The following CPED1 variants were observed in gnomAD, a reference collection of about 807,000 sequenced individuals.
The protein encoded by CPED1 is cadherin-like and PC-esterase domain-containing protein 1.
Under a neutral mutation model 128.2 loss-of-function variants are expected in CPED1, and 114 were observed. The observed-to-expected ratio is 0.89, with a 90% CI of 0.76 to 1.04. CPED1 has a LOEUF of 1.04. Among genes scored for constraint, CPED1 ranks in the 50% least tolerant of loss-of-function variants. CPED1 has a pLI of 0.00. For synonymous variants in CPED1, 462 were observed against 426.7 expected (o/e 1.08, Z -1.02); for missense variants, 1,211 against 1,207.1 (o/e 1.00, Z -0.05).
chr7:121,228,505 T>C (rs986492273), intron 16 of CPED1, among the ~76,000 whole-genome samples: 1 of 146,306 alleles, frequency 6.8e-6, no homozygotes, highest in Non-Finnish European at 1.5e-5. Flanking sequence ...GGCAAGGATG[T>C]GAAGAAAAGA....
chr7:121,035,220 A>G (rs545325097), intron 3 of CPED1, among the ~76,000 whole-genome samples: 48 of 152,278 alleles, frequency 3.2e-4, no homozygotes, highest in Admixed American at 1.1e-3. Context: ...TTGCTGTGCT[A>G]AGGAATTTGA....
chr7:121,091,815 C>A (rs963150797), intron 5 of CPED1, among the ~76,000 whole-genome samples: 12 of 151,924 alleles, frequency 7.9e-5, no homozygotes, highest in African/African-American at 2.7e-4. Flanking sequence ...AACAGAAATT[C>A]GTGTTTTTAA....
chr7:121,211,763 T>C (rs542415259), intron 16 of CPED1, among the ~76,000 whole-genome samples: 46 of 152,098 alleles, frequency 3.0e-4, no homozygotes, highest in African/African-American at 1.1e-3. Context: ...CTTAGAAATA[T>C]GTGATCTATA....
chr7:121,031,330 G>A (rs779505207), intron 3 of CPED1, among the ~76,000 whole-genome samples: 20 of 151,134 alleles, frequency 1.3e-4, no homozygotes, highest in Admixed American at 8.6e-4. Flanking sequence ...TGTTTTTTTC[G>A]AGATGGAGTC....
chr7:121,010,132 C>T (rs1034945338), intron 2 of CPED1, among the ~76,000 whole-genome samples: 2 of 152,086 alleles, frequency 1.3e-5, no homozygotes, highest in African/African-American at 4.8e-5. Context: ...TATAGTTATA[C>T]ATTGTGAAGT....
Position 121,203,922 on chromosome 7 carries a change from G to C in CPED1, c.2056-32792G>C, listed in dbSNP as rs530778751. Among the ~76,000 whole-genome samples the C allele has an allele frequency of 2.6e-5, 4 of 152,170 alleles. No individual in the cohort carries two copies. The South Asian group carries it at 8.3e-4, about 32-fold the overall frequency. On this transcript the variant is annotated intron_variant, in intron 16 of 22. Transcript: ENST00000310396. ...GGCTCTAGGTCTTGGGGCTGTCCAC[G>C]CAAAGGGCCAAGAAGCAAGACACCC...
intron 18 of CPED1, among the ~76,000 whole-genome samples, chr7:121,258,164 G>A (rs909293506): frequency 6.6e-6 from 1 of 152,034 alleles, no homozygotes; most frequent in African/African-American, 2.4e-5. Flanking sequence ...ACCCTAATAT[G>A]TTACCACAGA....
Position 121,266,714 on chromosome 7 carries a change from C to A in CPED1, c.2539C>A (p.Pro847Thr), listed in dbSNP as rs762476885. The change falls in exon 20 of 23, where the codon CCC (proline) becomes ACC (threonine). Residue 847 changes from proline (P) to threonine (T), a missense_variant. Pro to Thr is a conservative substitution (Grantham distance 38, BLOSUM62 -1). Coordinates refer to ENST00000310396, the MANE Select transcript of CPED1 (RefSeq NM_024913.5). ...ALEHLLQRSR[P>T]LENTGQTVLV... is the part of the protein sequence containing the mutation. Reference sequence around the variant, plus strand: ...TTTCTTTCTGAATTTCAGATCACGTCCCCTAGAGAATACTGGCCAGACTGT... The same window carrying A: ...TTTCTTTCTGAATTTCAGATCACGTACCCTAGAGAATACTGGCCAGACTGT... The A allele has an allele frequency of 5.6e-6, 9 of 1,611,984 alleles. No homozygotes were observed. The South Asian group carries it at 7.7e-5, about 14-fold the overall frequency.
chr7:121,149,760 G>A (rs1175412414), intron 16 of CPED1: 2 of 152,108 alleles, frequency 1.3e-5, no homozygotes, highest in Non-Finnish European at 2.9e-5. Context: ...AACCTGAGAG[G>A]TTTTTTTCCT....
intron 5 of CPED1, among the ~76,000 whole-genome samples, chr7:121,065,839 CTG>C (rs1371901297): frequency 2.6e-5 from 4 of 152,026 alleles, no homozygotes; most frequent in South Asian, 2.1e-4. Flanking sequence ...GTATTTATCT[CTG>C]TGAATAACAA....
chr7:120,994,539 A>G (rs1430818347), intron 2 of CPED1, among the ~76,000 whole-genome samples: 1 of 152,176 alleles, frequency 6.6e-6, no homozygotes, highest in Non-Finnish European at 1.5e-5. Flanking sequence ...AAAAAGTATT[A>G]CATGCAGATT....
intron 18 of CPED1, among the ~76,000 whole-genome samples, chr7:121,261,028 G>A (rs1792005128): frequency 6.6e-6 from 1 of 152,022 alleles, no homozygotes; most frequent in Non-Finnish European, 1.5e-5. Context: ...ATTCAACCTA[G>A]ATAGCCACCA....
chr7:121,006,337 T>C (rs1283246009), intron 2 of CPED1, among the ~76,000 whole-genome samples: 2 of 152,078 alleles, frequency 1.3e-5, no homozygotes, highest in African/African-American at 4.8e-5. Flanking sequence ...CTGCTGACAC[T>C]GTGGTAAGAC....
At chr7:120,998,487 G>A (rs2116752187) in intron 2 of CPED1, among the ~76,000 whole-genome samples, 1 of 152,122 alleles carries the variant, frequency 6.6e-6, no homozygotes, top group East Asian at 1.9e-4. Context: ...CAGATAGAAA[G>A]CACTCAATAA....
At chr7:121,132,805 G>T (rs943647556) in intron 12 of CPED1, among the ~76,000 whole-genome samples, 13 of 151,962 alleles carry the variant, frequency 8.6e-5, no homozygotes, top group African/African-American at 3.1e-4. Flanking sequence ...CCAAACTTCA[G>T]TTTCTGTGCA....
intron 16 of CPED1, among the ~76,000 whole-genome samples, chr7:121,146,341 T>A (rs192391243): frequency 2.0e-5 from 3 of 152,122 alleles, no homozygotes; most frequent in Admixed American, 1.3e-4. Context: ...AGAGTGGAAC[T>A]CTCATGATTT....
chr7:121,218,250 C>G (rs912809836), intron 16 of CPED1, among the ~76,000 whole-genome samples: 2 of 151,462 alleles, frequency 1.3e-5, no homozygotes, highest in African/African-American at 4.9e-5. Flanking sequence ...CCGTCTTGGA[C>G]TCCCAAAGCC....
At chr7:121,186,544 C>T (rs6968716) in intron 16 of CPED1, among the ~76,000 whole-genome samples, 151,395 of 152,270 alleles carry the variant, frequency 0.99, 75,265 homozygotes, top group Middle Eastern at 1. Context: ...ATTTCCAACA[C>T]ATAGGGCACT....
rs879387954 is a variant in CPED1, at chr7:121,091,967, T to C, written c.617-5732T>C. Among the ~76,000 whole-genome samples the C allele has an allele frequency of 2.9e-4, 44 of 152,140 alleles. 1 individual carries two copies. Among genetic ancestry groups the C allele is most frequent in the Admixed American group, 2.8e-3 (42 of 15,258 alleles). Reference sequence around the variant, plus strand: ...TTGGGCCCAAGTTCAGGCAATTTGGTAAAACAAATGAACCCTAGGCCTCTA... The same window carrying C: ...TTGGGCCCAAGTTCAGGCAATTTGGCAAAACAAATGAACCCTAGGCCTCTA... On this transcript the variant is annotated intron_variant, in intron 5 of 22. Transcript: ENST00000310396.
Sources: gnomAD v4.1 joint callset for allele counts (sites outside exome capture counted in the v4.1 genomes callset) on GRCh38, gnomAD v4.1.1 for gene constraint, MANE v1.5 for transcripts, NCBI Gene and HGNC (gene_info 2026-07-23, HGNC 2026-07-21) for gene names.